Variants in SFT2D2 observed in about 807,000 individuals in gnomAD.
The protein encoded by SFT2D2 is SFT2 domain containing 2, also known as vesicle transport protein SFT2B.
Under a neutral mutation model 27.4 loss-of-function variants are expected in SFT2D2, and 21 were observed. The ratio of observed to expected loss-of-function variants is 0.77; its 90% CI spans 0.54 to 1.10. SFT2D2 has a LOEUF of 1.10. Ranked by LOEUF, SFT2D2 falls within the 50% of genes least tolerant of loss-of-function variation. The probability of loss-of-function intolerance (pLI) is 0.00; values close to 1 mark genes in which losing one functional copy is unlikely to be tolerated. For synonymous variants in SFT2D2, 72 were observed against 71.7 expected (o/e 1.00, Z -0.02); for missense variants, 187 against 194.2 (o/e 0.96, Z 0.22).
In SFT2D2 at chr1:168,242,700, C is replaced by T. The variant is rs143617355; in HGVS notation, c.*160C>T. The T allele has an allele frequency of 3.0e-4, 254 of 833,912 alleles. No individual in the cohort carries two copies. The African/African-American group carries it at 3.1e-3, about 10-fold the overall frequency. 51.7% of individuals were successfully genotyped at this position (833,912 alleles called of 1,614,324 possible). ...AACATTTGAGGGTTACTTTTGGAAG[C>T]AACAATACATTCTCGAACCTGAATG... On this transcript the variant is annotated 3_prime_UTR_variant, in exon 8 of 8. Transcript: ENST00000271375.
intron 6 of SFT2D2, 121 bp downstream of exon 6, chr1:168,236,891 G>C (rs560151902): frequency 1.1e-6 from 1 of 929,572 alleles, no homozygotes; most frequent in African/African-American, 1.6e-5. Context: ...TTTAATTTAA[G>C]GATTCGTAAT....
chr1:168,239,894 G>A (rs12057336), intron 7 of SFT2D2, among the ~76,000 whole-genome samples: 2,099 of 151,142 alleles, frequency 0.014, 55 homozygotes, highest in African/African-American at 0.049. Flanking sequence ...AACTGTACTG[G>A]GCCAGGTGCA....
rs1309115945 is a variant in SFT2D2, at chr1:168,252,974, T to G, written c.*10434T>G. 1 of 152,002 alleles carries G rather than the reference T, an allele frequency of 6.6e-6. No individual in the cohort carries two copies. Among genetic ancestry groups the G allele is most frequent in the East Asian group, 1.9e-4 (1 of 5,196 alleles). The allele number at this position is 152,002 out of a possible 1,614,324, so 9.4% of individuals were successfully genotyped here. ...TCTCCTCCCCCATCACAATTGTTAG[T>G]TTTTTTTGCTTTCTTTCTTCAATAA... On this transcript the variant is annotated 3_prime_UTR_variant, in exon 8 of 8. Transcript: ENST00000271375.
chr1:168,236,661 C>T (rs754752427), intron 5 of SFT2D2, 37 bp downstream of exon 5: 6 of 1,613,598 alleles, frequency 3.7e-6, no homozygotes, highest in Non-Finnish European at 4.2e-6. Flanking sequence ...ACCATTTTGG[C>T]TTTTGCCCCT....
At chr1:168,228,041 C>T (rs1209013323) in intron 1 of SFT2D2, among the ~76,000 whole-genome samples, 2 of 152,168 alleles carry the variant, frequency 1.3e-5, no homozygotes, top group East Asian at 1.9e-4. Context: ...AGAATAGGTG[C>T]TTCGTTCTTG....
chr1:168,236,660 G>C (rs1239414554), intron 5 of SFT2D2, 36 bp downstream of exon 5: 3 of 1,613,230 alleles, frequency 1.9e-6, no homozygotes, highest in South Asian at 1.1e-5. Flanking sequence ...AACCATTTTG[G>C]CTTTTGCCCC....
At position 168,246,465 on chromosome 1, in the gene SFT2D2, A is replaced by G. The variant is rs1390381773; in HGVS notation, c.*3925A>G. On this transcript the variant is annotated 3_prime_UTR_variant, in exon 8 of 8. Coordinates refer to ENST00000271375, the MANE Select transcript of SFT2D2 (RefSeq NM_199344.3). The stretch of plus-strand genomic sequence containing the variant: ...GGTTTAGCTCTCTTTGTATGTGTTC[A>G]AAAACCAAAGCGTTTTCTTTCAGAG... 6.0e-6 allele frequency: 8 copies of G among 1,339,646 alleles called. No homozygotes were observed. Among genetic ancestry groups the G allele is most frequent in the Non-Finnish European group, 8.1e-6 (8 of 992,462 alleles). 83.0% of individuals were successfully genotyped at this position (1,339,646 alleles called of 1,614,324 possible). A position where few individuals can be genotyped will look rare whatever the true frequency, so the allele number is the denominator to read the frequency against.
In SFT2D2 at chr1:168,247,652, T is replaced by A. The variant is rs1303920855; in HGVS notation, c.*5112T>A. 1 of 152,298 alleles carries A rather than the reference T, an allele frequency of 6.6e-6. No individual in the cohort carries two copies. The highest frequency in any genetic ancestry group is 1.5e-5 in the Non-Finnish European group (1 of 68,102). The allele number at this position is 152,298 out of a possible 1,614,324, so 9.4% of individuals were successfully genotyped here. ...GTAAACATACATGTGCATGTGTCTTTATAGTAGAATGATTTATAACCCTTT... is the reference window on the plus strand; with the variant it reads ...GTAAACATACATGTGCATGTGTCTTAATAGTAGAATGATTTATAACCCTTT... On this transcript the variant is annotated 3_prime_UTR_variant, in exon 8 of 8. Transcript: ENST00000271375.
chr1:168,226,466 TTAGGGCCGGG>T (rs1700460307), intron 1 of SFT2D2, among the ~76,000 whole-genome samples: 1 of 152,046 alleles, frequency 6.6e-6, no homozygotes, highest in Non-Finnish European at 1.5e-5. Context: ...GGAATGCGCT[TTAGGGCCGGG>T]TAGGGCTGGG....
At chr1:168,236,802 A>G (rs766359359) in intron 6 of SFT2D2, 32 bp downstream of exon 6, 10 of 1,606,594 alleles carry the variant, frequency 6.2e-6, no homozygotes, top group Admixed American at 3.3e-5. Context: ...CCCCTCCCAC[A>G]TAGCCCACTG....
intron 7 of SFT2D2, among the ~76,000 whole-genome samples, chr1:168,239,937 A>T (rs1176363402): frequency 2.0e-5 from 3 of 150,924 alleles, no homozygotes; most frequent in Non-Finnish European, 4.4e-5. Context: ...GCACTTTGGG[A>T]GGCCGAGGCG....
In SFT2D2 at chr1:168,249,822, A is replaced by G. The variant is rs955303961; in HGVS notation, c.*7282A>G. 1 of 152,254 alleles carries G rather than the reference A, an allele frequency of 6.6e-6. No individual in the cohort carries two copies. The highest frequency in any genetic ancestry group is 2.4e-5 in the African/African-American group (1 of 41,466). 9.4% of individuals were successfully genotyped at this position (152,254 alleles called of 1,614,324 possible). A position where few individuals can be genotyped will look rare whatever the true frequency, so the allele number is the denominator to read the frequency against. ...TCAAGTGCTTAGAATAGGGCTTGGC[A>G]TAAGTAGAGTCTCAGTAGGGTAGGT... On this transcript the variant is annotated 3_prime_UTR_variant, in exon 8 of 8. Coordinates refer to ENST00000271375, the MANE Select transcript of SFT2D2 (RefSeq NM_199344.3).
intron 1 of SFT2D2, among the ~76,000 whole-genome samples, chr1:168,229,254 C>G (rs758691423): frequency 2.0e-5 from 3 of 152,222 alleles, no homozygotes; most frequent in Non-Finnish European, 2.9e-5. Flanking sequence ...GAGTCTCGCT[C>G]TGTCGCCCAG....
intron 4 of SFT2D2, among the ~76,000 whole-genome samples, chr1:168,235,704 T>A (rs1468548363): frequency 6.6e-6 from 1 of 152,244 alleles, no homozygotes; most frequent in Admixed American, 6.5e-5. Flanking sequence ...ACATTGTCTT[T>A]AGCTTTGTTG....
chr1:168,247,267 A>C lies in SFT2D2; in HGVS notation c.*4727A>C, dbSNP rs969051190. 3.8e-6 allele frequency: 1 copy of C among 261,702 alleles called. No homozygotes were observed. The highest frequency in any genetic ancestry group is 5.2e-5 in the Admixed American group (1 of 19,212). 16.2% of individuals were successfully genotyped at this position (261,702 alleles called of 1,614,324 possible). ...AATTATACTTTAAGTTCTGGGGTAC[A>C]TGTGCAGAACATGCGGGTTTGTTAC... On this transcript the variant is annotated 3_prime_UTR_variant, in exon 8 of 8. Transcript: ENST00000271375.
intron 4 of SFT2D2, among the ~76,000 whole-genome samples, chr1:168,235,510 G>A (rs979133303): frequency 6.6e-6 from 1 of 152,192 alleles, no homozygotes; most frequent in Non-Finnish European, 1.5e-5. Context: ...CCACACACAG[G>A]CAGGGCTTAG....
rs1298145807 is a variant in SFT2D2, at chr1:168,251,155, C to G, written c.*8615C>G. The stretch of plus-strand genomic sequence containing the variant: ...CCCATCTCTACAAAAAATACAACAG[C>G]AAAAAAATCAGCCAGGCTAGCTGGT... On this transcript the variant is annotated 3_prime_UTR_variant, in exon 8 of 8. Transcript: ENST00000271375. The G allele has an allele frequency of 6.6e-6, 1 of 151,632 alleles. No homozygotes were observed. Among genetic ancestry groups the G allele is most frequent in the African/African-American group, 2.4e-5 (1 of 41,278 alleles). 9.4% of individuals were successfully genotyped at this position (151,632 alleles called of 1,614,324 possible).
intron 3 of SFT2D2, among the ~76,000 whole-genome samples, chr1:168,234,402 A>AC (rs987712631): frequency 2.0e-5 from 3 of 151,508 alleles, no homozygotes; most frequent in African/African-American, 2.4e-5. Context: ...CAAAAAAAAA[A>AC]AAACAAACAA....
At chr1:168,231,493 T>A in intron 1 of SFT2D2, 21 bp from the exon 2 acceptor site, 1 of 1,268,384 alleles carries the variant, frequency 7.9e-7, no homozygotes, top group Non-Finnish European at 1.1e-6. Context: ...TGTATATGTA[T>A]TTTTTTTTTT....
Sources: allele counts gnomAD v4.1 joint callset (sites outside exome capture counted in the v4.1 genomes callset), GRCh38; gene constraint gnomAD v4.1.1; transcripts MANE v1.5; gene names NCBI Gene and HGNC (gene_info 2026-07-23, HGNC 2026-07-21).